Variants in SHISAL2A observed in about 807,000 individuals in gnomAD.
The protein encoded by SHISAL2A is protein shisa-like-2A.
A neutral mutation model predicts 11.5 loss-of-function variants in SHISAL2A; 18 were observed. The observed-to-expected ratio is 1.57, with a 90% CI of 1.08 to 2.33. The LOEUF is 2.33. Ranked by LOEUF, SHISAL2A falls within the 30% of genes most tolerant of loss-of-function variation. The probability of loss-of-function intolerance (pLI) is 0.00; values close to 1 mark genes in which losing one functional copy is unlikely to be tolerated. For synonymous variants in SHISAL2A, 94 were observed against 99.6 expected (o/e 0.94, Z 0.34); for missense variants, 261 against 250.9 (o/e 1.04, Z -0.27).
chr1:52,643,149 G>A (rs1054161557), intron 2 of SHISAL2A, 147 bp downstream of exon 2: 6 of 738,830 alleles, frequency 8.1e-6, no homozygotes, highest in South Asian at 1.8e-5. Context: ...CTGGAGATTC[G>A]TGATCTAAAC....
chr1:52,666,508 C>G (rs557538160), intron 4 of SHISAL2A, among the ~76,000 whole-genome samples: 114 of 152,002 alleles, frequency 7.5e-4, no homozygotes, highest in African/African-American at 2.6e-3. Context: ...CATGTCCAGC[C>G]CCATAGCACC....
chr1:52,655,040 G>T (rs1313329592), intron 2 of SHISAL2A, among the ~76,000 whole-genome samples: 1 of 152,038 alleles, frequency 6.6e-6, no homozygotes, highest in Non-Finnish European at 1.5e-5. Flanking sequence ...AAAAGAATTA[G>T]CCAGGTCTTG....
chr1:52,651,003 TA>T (rs112328962), intron 2 of SHISAL2A, among the ~76,000 whole-genome samples: 155 of 144,610 alleles, frequency 1.1e-3, no homozygotes, highest in African/African-American at 3.4e-3. Flanking sequence ...ATGTAATTGC[TA>T]AAAAAAAAAG....
Position 52,633,341 on chromosome 1 carries a change from G to A in SHISAL2A, c.-153G>A. 5.7e-6 allele frequency: 4 copies of A among 699,010 alleles called. No homozygotes were observed. Among genetic ancestry groups the A allele is most frequent in the East Asian group, 6.9e-5 (2 of 28,828 alleles). 43.3% of individuals were successfully genotyped at this position (699,010 alleles called of 1,614,324 possible). A position where few individuals can be genotyped will look rare whatever the true frequency, so the allele number is the denominator to read the frequency against. ...CGCTCGGTCCTCGGGGCCCCGCGCTGCTGTCTCTGTCTCGGCTTCTCTCGG... is the reference window on the plus strand; with the variant it reads ...CGCTCGGTCCTCGGGGCCCCGCGCTACTGTCTCTGTCTCGGCTTCTCTCGG... On this transcript the variant is annotated 5_prime_UTR_variant, in exon 1 of 3. Coordinates refer to ENST00000517870, the MANE Select transcript of SHISAL2A (RefSeq NM_001042693.3). The surrounding 1 kb of genome is among the most constrained non-coding windows in gnomAD (Gnocchi z 6.4).
At chr1:52,654,079 ATTTTTTATTTTT>A (rs1558092223) in intron 2 of SHISAL2A, among the ~76,000 whole-genome samples, 1 of 151,888 alleles carries the variant, frequency 6.6e-6, no homozygotes, top group Non-Finnish European at 1.5e-5. Flanking sequence ...CACCCTGTTA[ATTTTTTATTTTT>A]GTAGAGATGG....
chr1:52,636,424 A>G (rs193141777), intron 1 of SHISAL2A, among the ~76,000 whole-genome samples: 77 of 149,470 alleles, frequency 5.2e-4, no homozygotes, highest in African/African-American at 1.8e-3. Context: ...TGGAAAAGTT[A>G]TTTAACTTCC....
At chr1:52,651,008 A>G (rs915764250) in intron 2 of SHISAL2A, among the ~76,000 whole-genome samples, 2 of 151,932 alleles carry the variant, frequency 1.3e-5, no homozygotes, top group Non-Finnish European at 2.9e-5. Flanking sequence ...ATTGCTAAAA[A>G]AAAAAGTGAG....
At chr1:52,666,349 G>A (rs2149897548) in intron 4 of SHISAL2A, among the ~76,000 whole-genome samples, 2 of 152,234 alleles carry the variant, frequency 1.3e-5, no homozygotes, top group Middle Eastern at 6.8e-3. Flanking sequence ...CTACTTGGGA[G>A]GCTGAGGCAG....
intron 2 of SHISAL2A, among the ~76,000 whole-genome samples, chr1:52,649,775 G>A (rs1282604106): frequency 6.6e-6 from 1 of 152,214 alleles, no homozygotes; most frequent in Non-Finnish European, 1.5e-5. Context: ...TGAGGTGAGT[G>A]TAGAGGTGAT....
intron 1 of SHISAL2A, 149 bp from the exon 2 acceptor site, chr1:52,642,714 A>G (rs1691393884): frequency 6.3e-6 from 5 of 799,368 alleles, no homozygotes; most frequent in Non-Finnish European, 1.0e-5. Flanking sequence ...ATGGGCCACT[A>G]TGCCTGGCCT....
At chr1:52,656,063 A>T (rs1691785083) in intron 2 of SHISAL2A, among the ~76,000 whole-genome samples, 1 of 152,204 alleles carries the variant, frequency 6.6e-6, no homozygotes, top group Non-Finnish European at 1.5e-5. Context: ...CACTTGATAC[A>T]TTTTTTTATC....
chr1:52,644,789 G>T (rs192701418), intron 2 of SHISAL2A, among the ~76,000 whole-genome samples: 4 of 152,006 alleles, frequency 2.6e-5, no homozygotes, highest in African/African-American at 9.7e-5. Context: ...AGGCCAGGGC[G>T]GGCGGATCAC....
chr1:52,644,165 G>T (rs983123361), intron 2 of SHISAL2A, among the ~76,000 whole-genome samples: 1 of 152,158 alleles, frequency 6.6e-6, no homozygotes, highest in African/African-American at 2.4e-5. Context: ...GTATGTGCAA[G>T]TATATAACTA....
rs961642705 is a variant in SHISAL2A, at chr1:52,642,950, C to T, written c.270C>T (p.Ile90=). 1 of 1,614,060 alleles carries T rather than the reference C, an allele frequency of 6.2e-7. No individual in the cohort carries two copies. Among genetic ancestry groups the T allele is most frequent in the African/African-American group, 1.3e-5 (1 of 74,922 alleles). ...CCTGTGTGCTCTGCTACCTGTTCATCAGCTCTAAGCCCCACACAAAGTTGG... is the reference window on the plus strand; with the variant it reads ...CCTGTGTGCTCTGCTACCTGTTCATTAGCTCTAAGCCCCACACAAAGTTGG... ...VTACVLCYLF[I]SSKPHTKLDL... Residue 90 remains isoleucine, a synonymous_variant, in exon 2 of 3, where the codon ATC becomes ATT. Transcript: ENST00000517870.
chr1:52,634,995 C>A (rs1035010294), intron 1 of SHISAL2A, among the ~76,000 whole-genome samples: 25 of 152,198 alleles, frequency 1.6e-4, no homozygotes, highest in African/African-American at 5.3e-4. Context: ...AAATGATTTT[C>A]AGATGGCCAG....
chr1:52,653,286 C>CAAAAAA (rs59878820), intron 2 of SHISAL2A, among the ~76,000 whole-genome samples: 4 of 36,424 alleles, frequency 1.1e-4, no homozygotes, highest in African/African-American at 1.8e-4. Context: ...CCTGTCTCTA[C>CAAAAAA]AAAAAAAAAA....
At chr1:52,652,392 C>A (rs1691670329) in intron 2 of SHISAL2A, among the ~76,000 whole-genome samples, 1 of 152,190 alleles carries the variant, frequency 6.6e-6, no homozygotes, top group Admixed American at 6.5e-5. Flanking sequence ...GGCCATATTT[C>A]ACTCACAAAT....
At chr1:52,656,647 A>T in intron 2 of SHISAL2A, 143 bp from the exon 3 acceptor site, 2 of 875,874 alleles carry the variant, frequency 2.3e-6, no homozygotes, top group Non-Finnish European at 3.6e-6. Flanking sequence ...GTGTATTGTT[A>T]ATAAATACAT....
chr1:52,656,856 T>C lies in SHISAL2A; in HGVS notation c.389T>C (p.Val130Ala). ...NTGMAAEVPK[V>A]SPLQQSYSCL... ...GGCATGGCGGCAGAAGTGCCAAAAG[T>C]GAGCCCTCTCCAGCAGAGTTACTCC... The change falls in exon 3 of 3, where the codon GTG (valine) becomes GCG (alanine). Residue 130 changes from valine to alanine, a missense_variant. Physicochemically the swap from Val to Ala is moderately conservative, Grantham distance 64. Coordinates refer to ENST00000517870, the MANE Select transcript of SHISAL2A (RefSeq NM_001042693.3). The C allele has an allele frequency of 6.2e-7, 1 of 1,614,122 alleles. No homozygotes were observed. Among genetic ancestry groups the C allele is most frequent in the South Asian group, 1.1e-5 (1 of 91,076 alleles).
Sources: allele counts gnomAD v4.1 joint callset (sites outside exome capture counted in the v4.1 genomes callset), GRCh38; gene constraint gnomAD v4.1.1; non-coding constraint Gnocchi (gnomAD v3.1); transcripts MANE v1.5; gene names NCBI Gene and HGNC (gene_info 2026-07-23, HGNC 2026-07-21).